ALDOB: variants seen among roughly 807,000 people sequenced by gnomAD.
ALDOB encodes the protein aldolase, fructose-bisphosphate B, also known as fructose-bisphosphate aldolase B.
Under a neutral mutation model 41.0 loss-of-function variants are expected in ALDOB, and 39 were observed. That is an observed-to-expected ratio of 0.95 (90% CI 0.74 to 1.24). The LOEUF (loss-of-function observed/expected upper bound fraction) is 1.24, where lower values mean the gene tolerates loss of function less well. Ranked by LOEUF, ALDOB falls within the 50% of genes most tolerant of loss-of-function variation. The pLI, the probability that ALDOB is intolerant of heterozygous loss-of-function variation, is 0.00. For synonymous variants in ALDOB, 175 were observed against 168.8 expected, an observed-to-expected ratio of 1.04 and a Z score of -0.28; for missense variants, 530 against 457.3, an observed-to-expected ratio of 1.16 and a Z score of -1.45.
chr9:101,425,385 C>G (rs1466306541), intron 7 of ALDOB, 68 bp downstream of exon 7: 5 of 1,576,660 alleles, frequency 3.2e-6, no homozygotes, highest in Non-Finnish European at 3.5e-6. Context: ...TCTGGACAAA[C>G]AGAAAGCTTG....
chr9:101,428,362 T>C lies in ALDOB; in HGVS notation c.379+107A>G, dbSNP rs868529466. The C allele has an allele frequency of 3.3e-5, 35 of 1,045,482 alleles. No individual in the cohort carries two copies. In the African/African-American group the frequency reaches 4.5e-4, roughly 14 times the overall value. 64.8% of individuals were successfully genotyped at this position (1,045,482 alleles called of 1,614,324 possible). ...ATTGAAAACCAGGTACGTGTGGCTC[T>C]AAGACCAGTGTAATAGTTGTGTTTT... On this transcript the variant is annotated intron_variant, in intron 4 of 8. Transcript: ENST00000647789.
rs1831162801 is a variant in ALDOB, at chr9:101,428,490, T to G, written c.358A>C (p.Asn120His). The change falls in exon 4 of 9, where the codon AAC becomes CAC. Residue 120 changes from asparagine (N) to histidine (H), a missense_variant. By Grantham distance (68) the Asn-to-His change is moderately conservative (BLOSUM62 1). Coordinates refer to ENST00000647789, the MANE Select transcript of ALDOB (RefSeq NM_000035.4). ...DQGGAPLAGT[N>H]KETTIQGLDG... Reference sequence around the variant, plus strand: ...TTACCTTGAATGGTGGTTTCTTTGTTTGTTCCTGCAAGAGGAGCACCTCCT... The same window carrying G: ...TTACCTTGAATGGTGGTTTCTTTGTGTGTTCCTGCAAGAGGAGCACCTCCT... 6.2e-7 allele frequency: 1 copy of G among 1,613,982 alleles called. No individual in the cohort carries two copies. Among genetic ancestry groups the G allele is most frequent in the Non-Finnish European group, 8.5e-7 (1 of 1,179,930 alleles).
At chr9:101,430,068 A>G (rs1831195648) in intron 2 of ALDOB, 102 bp from the exon 3 acceptor site, 3 of 1,077,022 alleles carry the variant, frequency 2.8e-6, no homozygotes, top group African/African-American at 1.6e-5. Flanking sequence ...GGAAAGCAAG[A>G]CTTTCTTTTT....
At chr9:101,428,391 T>A in intron 4 of ALDOB, 78 bp downstream of exon 4, 1 of 1,395,488 alleles carries the variant, frequency 7.2e-7, no homozygotes, top group South Asian at 1.2e-5. Flanking sequence ...GTGTTTTGTT[T>A]TTCCTTGCTT....
At chr9:101,432,014 G>T (rs748943422) in intron 1 of ALDOB, among the ~76,000 whole-genome samples, 1 of 152,198 alleles carries the variant, frequency 6.6e-6, no homozygotes, top group Non-Finnish European at 1.5e-5. Context: ...ACGTAGAGAA[G>T]CTAACTGACT....
Position 101,421,006 on chromosome 9 carries a change from CT to C in ALDOB, c.*802del, listed in dbSNP as rs1236715932. On this transcript the variant is annotated 3_prime_UTR_variant, in exon 9 of 9. Coordinates refer to ENST00000647789, the MANE Select transcript of ALDOB (RefSeq NM_000035.4). ...AAGTCACATTAATTCTCTTATTATA[CT>C]CCACAAGTTGCTCAAAATCATTCTA... 5 of 152,304 alleles carry C rather than the reference CT, an allele frequency of 3.3e-5. No individual in the cohort carries two copies. The highest frequency in any genetic ancestry group is 1.3e-4 in the Admixed American group (2 of 15,286). The allele number at this position is 152,304 out of a possible 1,614,324, so 9.4% of individuals were successfully genotyped here.
At chr9:101,434,742 C>T (rs1180666624) in intron 1 of ALDOB, among the ~76,000 whole-genome samples, 1 of 152,176 alleles carries the variant, frequency 6.6e-6, no homozygotes, top group African/African-American at 2.4e-5. Context: ...GGTGCTCTTT[C>T]CTCTAAACTT....
rs368282452 is a variant in ALDOB, at chr9:101,428,163, G to A, written c.379+306C>T. 6.6e-5 allele frequency among the ~76,000 whole-genome samples: 10 copies of A among 152,202 alleles called. No individual in the cohort carries two copies. The East Asian group carries it at 1.2e-3, about 18-fold the overall frequency. On this transcript the variant is annotated intron_variant, in intron 4 of 8. Transcript: ENST00000647789. ...ATTTTTTTCTAAAAATAATACTTCC[G>A]GGTGCAGAGTTTAATCTTCTTTGTC...
chr9:101,423,891 G>A (rs190456174), intron 8 of ALDOB, among the ~76,000 whole-genome samples: 4 of 152,184 alleles, frequency 2.6e-5, no homozygotes, highest in South Asian at 2.1e-4. Flanking sequence ...CTCATAAAGC[G>A]TATTTTAAAA....
At chr9:101,428,979 T>C (rs188575777) in intron 3 of ALDOB, among the ~76,000 whole-genome samples, 16 of 152,326 alleles carry the variant, frequency 1.1e-4, no homozygotes, top group Non-Finnish European at 1.9e-4. Flanking sequence ...CTTGGAATGG[T>C]AAAAACTCTT....
Position 101,430,877 on chromosome 9 carries a change from CGGT to C in ALDOB, c.8_10del (p.His3del). On this transcript the variant is annotated inframe_deletion, in exon 2 of 9. Transcript: ENST00000647789. ...CTGCTCCTGGGTGAGGGCTGGAAAT[CGGT>C]GGGCCATGGTGACAGGTCTGGAAAA... is the stretch of plus-strand genomic sequence containing the variant. 6.2e-7 allele frequency: 1 copy of C among 1,613,816 alleles called. No individual in the cohort carries two copies. The highest frequency in any genetic ancestry group is 2.2e-5 in the East Asian group (1 of 44,876).
Position 101,421,721 on chromosome 9 carries a change from G to T in ALDOB, c.*88C>A. The T allele has an allele frequency of 1.0e-6, 1 of 992,978 alleles. No individual in the cohort carries two copies. Among genetic ancestry groups the T allele is most frequent in the Non-Finnish European group, 1.6e-6 (1 of 624,354 alleles). 61.5% of individuals were successfully genotyped at this position (992,978 alleles called of 1,614,324 possible). A position where few individuals can be genotyped will look rare whatever the true frequency, so the allele number is the denominator to read the frequency against. ...TATTTCCAGCAGTTCAAATCTAATT[G>T]TGTCGAATTTCCAGGATTGGAGGAA... On this transcript the variant is annotated 3_prime_UTR_variant, in exon 9 of 9. Transcript: ENST00000647789.
chr9:101,431,455 C>G (rs1831217981), intron 1 of ALDOB, among the ~76,000 whole-genome samples: 1 of 152,208 alleles, frequency 6.6e-6, no homozygotes, highest in Non-Finnish European at 1.5e-5. Context: ...TGCAAGTTTC[C>G]TTTTCCTTAT....
chr9:101,424,153 C>T (rs1221447861), intron 8 of ALDOB, among the ~76,000 whole-genome samples: 1 of 152,114 alleles, frequency 6.6e-6, no homozygotes, highest in Non-Finnish European at 1.5e-5. Context: ...TGTGGTGGCT[C>T]ATGTCTGTAA....
chr9:101,427,684 T>C, intron 4 of ALDOB, 42 bp from the exon 5 acceptor site: 1 of 1,612,008 alleles, frequency 6.2e-7, no homozygotes, highest in Non-Finnish European at 8.5e-7. Flanking sequence ...TGTACCTTTG[T>C]ACCTGATCCA....
intron 5 of ALDOB, among the ~76,000 whole-genome samples, chr9:101,426,930 G>A (rs1246064596): frequency 6.6e-6 from 1 of 152,214 alleles, no homozygotes; most frequent in Non-Finnish European, 1.5e-5. Flanking sequence ...TTGGGTTAAT[G>A]AAGAAATTCA....
rs200585150 is a variant in ALDOB, at chr9:101,429,815, G to A, written c.264C>T (p.Asp88=). The A allele has an allele frequency of 3.1e-6, 5 of 1,614,144 alleles. No homozygotes were observed. Among genetic ancestry groups the A allele is most frequent in the East Asian group, 4.5e-5 (2 of 44,850 alleles). The change falls in exon 3 of 9, where the codon GAC becomes GAT. Residue 88 remains aspartate, a synonymous_variant. Transcript: ENST00000647789. ...TGTTTCTGAACAGCTTTCCCTGGCTGTCCTTCTGGTAGAGGGTCTCGTGGA... is the reference window on the plus strand; with the variant it reads ...TGTTTCTGAACAGCTTTCCCTGGCTATCCTTCTGGTAGAGGGTCTCGTGGA... The part of the protein sequence containing the change: ...ILFHETLYQK[D]SQGKLFRNIL...
At chr9:101,424,426 A>G (rs1019485429) in intron 8 of ALDOB, among the ~76,000 whole-genome samples, 1 of 152,128 alleles carries the variant, frequency 6.6e-6, no homozygotes. Flanking sequence ...CTCAAAACAA[A>G]CAAACAAACA....
chr9:101,429,186 C>A (rs1209222829), intron 3 of ALDOB, among the ~76,000 whole-genome samples: 4 of 138,692 alleles, frequency 2.9e-5, no homozygotes, highest in Middle Eastern at 8.9e-3. Context: ...TTTTTTGAGA[C>A]AGGGTCATCC....
Sources: allele counts gnomAD v4.1 joint callset (sites outside exome capture counted in the v4.1 genomes callset), GRCh38; gene constraint gnomAD v4.1.1; transcripts MANE v1.5; gene names NCBI Gene and HGNC (gene_info 2026-07-23, HGNC 2026-07-21).